GALNT15: variants seen among roughly 807,000 people sequenced by gnomAD.
The protein encoded by GALNT15 is polypeptide N-acetylgalactosaminyltransferase 15.
Under a neutral mutation model 66.8 loss-of-function variants are expected in GALNT15, and 67 were observed. The observed-to-expected ratio is 1.00, with a 90% CI of 0.82 to 1.23. The LOEUF (loss-of-function observed/expected upper bound fraction) is 1.23, where lower values mean the gene tolerates loss of function less well. Among genes scored for constraint, GALNT15 ranks in the 50% most tolerant of loss-of-function variants. The pLI, the probability that GALNT15 is intolerant of heterozygous loss-of-function variation, is 0.00. For synonymous variants in GALNT15, 313 were observed against 311.5 expected (o/e 1.00, Z -0.05); for missense variants, 827 against 804.3 (o/e 1.03, Z -0.34).
intron 6 of GALNT15, among the ~76,000 whole-genome samples, chr3:16,217,857 C>A (rs1268121200): frequency 6.6e-6 from 1 of 152,134 alleles, no homozygotes; most frequent in African/African-American, 2.4e-5. Flanking sequence ...CAAATAAACA[C>A]AAAGAATGCC....
At chr3:16,207,313 G>T (rs2063766830) in intron 3 of GALNT15, among the ~76,000 whole-genome samples, 1 of 151,864 alleles carries the variant, frequency 6.6e-6, no homozygotes, top group African/African-American at 2.4e-5. Context: ...TGAAGTTCAG[G>T]CCTGATTCAT....
At position 16,175,106 on chromosome 3, in the gene GALNT15, A is replaced by G. The variant is rs749313871; in HGVS notation, c.-46A>G. 1 of 1,563,158 alleles carries G rather than the reference A, an allele frequency of 6.4e-7. No individual in the cohort carries two copies. Among genetic ancestry groups the G allele is most frequent in the Non-Finnish European group, 8.7e-7 (1 of 1,147,324 alleles). Reference sequence around the variant, plus strand: ...GCTTGAAGGAGCCTGGAGCGGGAGAAAGCTAACTTGAACATGACCTGTTGC... The same window carrying G: ...GCTTGAAGGAGCCTGGAGCGGGAGAGAGCTAACTTGAACATGACCTGTTGC... On this transcript the variant is annotated 5_prime_UTR_variant, in exon 1 of 10. Transcript: ENST00000339732. The surrounding 1 kb of genome is among the most constrained non-coding windows in gnomAD (Gnocchi z 5.6).
intron 8 of GALNT15, chr3:16,220,273 A>C: frequency 2.1e-6 from 1 of 480,770 alleles, no homozygotes; most frequent in Non-Finnish European, 3.8e-6. Context: ...GTTTGGCCAA[A>C]CTTTTCATTT....
At chr3:16,201,794 A>T (rs1225357521) in intron 3 of GALNT15, among the ~76,000 whole-genome samples, 1 of 152,208 alleles carries the variant, frequency 6.6e-6, no homozygotes, top group Non-Finnish European at 1.5e-5. Flanking sequence ...CTTGCTCAAG[A>T]CAAACAGTTC....
In GALNT15 at chr3:16,200,148, AC is replaced by A. The variant is rs1224095504; in HGVS notation, c.707-470del. Among the ~76,000 whole-genome samples the A allele has an allele frequency of 6.6e-6, 1 of 152,144 alleles. No individual in the cohort carries two copies. The highest frequency in any genetic ancestry group is 1.5e-5 in the Non-Finnish European group (1 of 68,030). ...GAGAGAGGAGGAAAAACTATCAAAC[AC>A]TTATATAATCATCAGATCTCATGAG... On this transcript the variant is annotated intron_variant, in intron 2 of 9. Transcript: ENST00000339732. This position sits in a 1 kb window ranked among gnomAD's most constrained non-coding sequence, Gnocchi z 4.4.
In GALNT15 at chr3:16,188,612, T is replaced by C. The variant is rs1437598460; in HGVS notation, c.540-7148T>C. ...AACCTGAACAAAGGGGTTGGAGCACTAGGAGGGGATGGTGTAGATGCAGTT... is the reference window on the plus strand; with the variant it reads ...AACCTGAACAAAGGGGTTGGAGCACCAGGAGGGGATGGTGTAGATGCAGTT... On this transcript the variant is annotated intron_variant, in intron 1 of 9. Transcript: ENST00000339732. This position sits in a 1 kb window ranked among gnomAD's most constrained non-coding sequence, Gnocchi z 4.6. 6.6e-6 allele frequency among the ~76,000 whole-genome samples: 1 copy of C among 152,172 alleles called. No individual in the cohort carries two copies. Among genetic ancestry groups the C allele is most frequent in the African/African-American group, 2.4e-5 (1 of 41,452 alleles).
At chr3:16,245,853 A>G in the GALNT15 span, among the ~76,000 whole-genome samples, 1 of 152,240 alleles carries the variant, frequency 6.6e-6, no homozygotes, top group Non-Finnish European at 1.5e-5. Context: ...TGCAAGCTCC[A>G]GGGAGGAAGA....
downstream of GALNT15, among the ~76,000 whole-genome samples, chr3:16,232,512 T>TATATATATATATATATATATATATA (rs56354612): frequency 5.0e-5 from 2 of 40,192 alleles, no homozygotes; most frequent in South Asian, 1.1e-3. Flanking sequence ...ATATATATAT[T>TATATATATATATATATATATATATA]TATTTAAAAG....
At chr3:16,213,882 C>G (rs2063845050) in intron 6 of GALNT15, among the ~76,000 whole-genome samples, 1 of 152,224 alleles carries the variant, frequency 6.6e-6, no homozygotes, top group South Asian at 2.1e-4. Flanking sequence ...TGCCTCCTCC[C>G]CATTCTAGAT....
the GALNT15 span, among the ~76,000 whole-genome samples, chr3:16,247,512 C>G: frequency 1.3e-5 from 2 of 152,326 alleles, no homozygotes; most frequent in East Asian, 3.9e-4. Flanking sequence ...AAACAGGAAC[C>G]AGGTCAGCCT....
chr3:16,192,201 G>A (rs7627283), intron 1 of GALNT15, among the ~76,000 whole-genome samples: 15,312 of 152,134 alleles, frequency 0.1, 1,531 homozygotes, highest in African/African-American at 0.26. Flanking sequence ...TACACCACAC[G>A]CACACACACG....
At position 16,176,418 on chromosome 3, in the gene GALNT15, C is replaced by T. The variant is rs953798285; in HGVS notation, c.539+728C>T. On this transcript the variant is annotated intron_variant, in intron 1 of 9. Coordinates refer to ENST00000339732, the MANE Select transcript of GALNT15 (RefSeq NM_054110.5). The surrounding 1 kb of genome is among the most constrained non-coding windows in gnomAD (Gnocchi z 5.6). Reference sequence around the variant, plus strand: ...TGTGAGCTCCAGTCTGCCTGACCCACCACTCCATGCCACCTGCCTTGGGCC... The same window carrying T: ...TGTGAGCTCCAGTCTGCCTGACCCATCACTCCATGCCACCTGCCTTGGGCC... Among the ~76,000 whole-genome samples, 4 of 152,222 alleles carry T rather than the reference C, an allele frequency of 2.6e-5. No individual in the cohort carries two copies. Among genetic ancestry groups the T allele is most frequent in the Admixed American group, 2.6e-4 (4 of 15,286 alleles).
At chr3:16,207,493 C>A (rs1353485651) in intron 3 of GALNT15, among the ~76,000 whole-genome samples, 2 of 114,544 alleles carry the variant, frequency 1.7e-5, no homozygotes, top group Non-Finnish European at 3.3e-5. Flanking sequence ...AGTCATATCT[C>A]CAGGCTGTAA....
chr3:16,246,320 G>GT, the GALNT15 span, among the ~76,000 whole-genome samples: 3 of 128,894 alleles, frequency 2.3e-5, no homozygotes, highest in Non-Finnish European at 1.6e-5. Context: ...TTTTGAAAGT[G>GT]GTTTTTTTTT....
chr3:16,222,540 G>C, intron 8 of GALNT15, 75 bp from the exon 9 acceptor site: 1 of 1,581,398 alleles, frequency 6.3e-7, no homozygotes, highest in Non-Finnish European at 8.7e-7. Flanking sequence ...TCTATAGTGG[G>C]TTCTTCTTAC....
chr3:16,239,938 C>T, the GALNT15 span, among the ~76,000 whole-genome samples: 1 of 152,192 alleles, frequency 6.6e-6, no homozygotes, highest in Non-Finnish European at 1.5e-5. This position sits in a 1 kb window ranked among gnomAD's most constrained non-coding sequence, Gnocchi z 5.2. Flanking sequence ...TGGGAAAAGC[C>T]GTTACATGGT....
chr3:16,175,269 C>T lies in GALNT15; in HGVS notation c.118C>T (p.Leu40=). 1 of 1,614,228 alleles carries T rather than the reference C, an allele frequency of 6.2e-7. No individual in the cohort carries two copies. The highest frequency in any genetic ancestry group is 2.2e-5 in the East Asian group (1 of 44,870). ...VAMLHPPHHT[L]HQTVTAQASK... ...GATGTTGCACCCTCCCCACCACACC[C>T]TGCACCAGACTGTCACAGCCCAAGC... Residue 40 remains leucine (L), a synonymous_variant, in exon 1 of 10, where the codon CTG becomes TTG. Transcript: ENST00000339732. This position sits in a 1 kb window ranked among gnomAD's most constrained non-coding sequence, Gnocchi z 5.6.
chr3:16,231,987 A>T, downstream of GALNT15: 1 of 1,469,528 alleles, frequency 6.8e-7, no homozygotes, highest in Non-Finnish European at 9.0e-7. This position sits in a 1 kb window ranked among gnomAD's most constrained non-coding sequence, Gnocchi z 4.1. Flanking sequence ...ATCCAGAAAA[A>T]CTGGAGCTGC....
In GALNT15 at chr3:16,174,979, T is replaced by A. The variant is rs1388074284; in HGVS notation, c.-173T>A. ...GGTCCTGTGGTTTTCTGATTGTAAG[T>A]GGAAGCAGGTCTTGCACACGCTGTT... On this transcript the variant is annotated 5_prime_UTR_variant, in exon 1 of 10. Coordinates refer to ENST00000339732, the MANE Select transcript of GALNT15 (RefSeq NM_054110.5). This position sits in a 1 kb window ranked among gnomAD's most constrained non-coding sequence, Gnocchi z 4.7. The A allele has an allele frequency of 6.7e-6, 4 of 594,648 alleles. No homozygotes were observed. The highest frequency in any genetic ancestry group is 5.6e-5 in the African/African-American group (3 of 53,962). 36.8% of individuals were successfully genotyped at this position (594,648 alleles called of 1,614,324 possible).
Sources: allele counts gnomAD v4.1 joint callset (sites outside exome capture counted in the v4.1 genomes callset), GRCh38; gene constraint gnomAD v4.1.1; non-coding constraint Gnocchi (gnomAD v3.1); transcripts MANE v1.5; gene names NCBI Gene and HGNC (gene_info 2026-07-23, HGNC 2026-07-21).